The following CREBBP variants were observed in gnomAD, a reference collection of about 807,000 sequenced individuals.
The protein encoded by CREBBP is CREB-binding protein.
CREBBP carries 19 observed loss-of-function variants against 265.0 expected under a neutral mutation model. That is an observed-to-expected ratio of 0.07 (90% CI 0.05 to 0.11). CREBBP has a LOEUF of 0.11. Among genes scored for constraint, CREBBP ranks in the 10% least tolerant of loss-of-function variants. The pLI, the probability that CREBBP is intolerant of heterozygous loss-of-function variation, is 1.00. For missense variants in CREBBP, 2,525 were observed against 3,219.0 expected (o/e 0.78, Z 5.22); for synonymous variants, 1,457 against 1,223.7 (o/e 1.19, Z -3.98).
intron 1 of CREBBP, among the ~76,000 whole-genome samples, chr16:3,861,652 C>CAA (rs368654449): frequency 0.012 from 1,507 of 120,974 alleles, 20 homozygotes; most frequent in South Asian, 0.039. Context: ...CTCTCTATAC[C>CAA]AAAAAAAAAA....
At chr16:3,856,029 T>C (rs534095774) in intron 1 of CREBBP, among the ~76,000 whole-genome samples, 5 of 152,396 alleles carry the variant, frequency 3.3e-5, no homozygotes, top group Admixed American at 6.5e-5. Context: ...ATTGCATGCA[T>C]GTTACAAAAT....
At chr16:3,806,143 G>A (rs901583362) in intron 3 of CREBBP, among the ~76,000 whole-genome samples, 4 of 152,126 alleles carry the variant, frequency 2.6e-5, no homozygotes, top group African/African-American at 9.7e-5. Context: ...GGGCCCTGGA[G>A]GGCATCCTAG....
At chr16:3,760,437 C>T (rs1271899708) in intron 16 of CREBBP, among the ~76,000 whole-genome samples, 2 of 110,574 alleles carry the variant, frequency 1.8e-5, no homozygotes, top group Admixed American at 1.4e-4. Flanking sequence ...GAGTCTTGCT[C>T]TGTCACCCAG....
chr16:3,730,918 C>T (rs1310482198), intron 30 of CREBBP, among the ~76,000 whole-genome samples: 2 of 152,230 alleles, frequency 1.3e-5, no homozygotes, highest in African/African-American at 2.4e-5. Context: ...AGCCATTTAG[C>T]AAGACTAGAA....
At chr16:3,861,749 G>C (rs2141547248) in intron 1 of CREBBP, among the ~76,000 whole-genome samples, 1 of 146,620 alleles carries the variant, frequency 6.8e-6, no homozygotes, top group African/African-American at 2.5e-5. Flanking sequence ...GTTCCCAAAA[G>C]ACATCTAACT....
At chr16:3,849,483 G>GA (rs2054778120) in intron 2 of CREBBP, among the ~76,000 whole-genome samples, 4 of 122,326 alleles carry the variant, frequency 3.3e-5, no homozygotes, top group Non-Finnish European at 6.8e-5. Flanking sequence ...GTGTGTGTGT[G>GA]TGTGTGATGT....
intron 2 of CREBBP, among the ~76,000 whole-genome samples, chr16:3,849,230 T>TCCCC (rs61593279): frequency 6.6e-6 from 1 of 151,580 alleles, no homozygotes; most frequent in African/African-American, 2.4e-5. Flanking sequence ...TCTGTGCTCC[T>TCCCC]GTCAGTCCTG....
At chr16:3,735,531 T>C (rs1221702110) in intron 28 of CREBBP, among the ~76,000 whole-genome samples, 3 of 152,092 alleles carry the variant, frequency 2.0e-5, no homozygotes, top group Admixed American at 6.5e-5. Context: ...TTCCTGACCT[T>C]GTGATCCGCC....
intron 16 of CREBBP, 57 bp from the exon 17 acceptor site, chr16:3,759,029 C>T (rs564650586): frequency 9.8e-5 from 130 of 1,331,310 alleles, no homozygotes; most frequent in East Asian, 2.3e-4. Flanking sequence ...ATCCCTCCTA[C>T]CTCACATTTA....
intron 16 of CREBBP, among the ~76,000 whole-genome samples, chr16:3,762,278 G>C (rs1001757376): frequency 1.3e-5 from 2 of 151,700 alleles, no homozygotes; most frequent in African/African-American, 4.8e-5. Flanking sequence ...GACAGGGCCT[G>C]AAACAAGTGT....
At chr16:3,799,972 G>A (rs1047103359) in intron 3 of CREBBP, among the ~76,000 whole-genome samples, 7 of 152,046 alleles carry the variant, frequency 4.6e-5, no homozygotes, top group African/African-American at 9.7e-5. Context: ...AAAATCAGAC[G>A]AATCAGTAAG....
chr16:3,874,879 G>A (rs1031835238), intron 1 of CREBBP, among the ~76,000 whole-genome samples: 9 of 152,168 alleles, frequency 5.9e-5, no homozygotes, highest in African/African-American at 2.2e-4. Flanking sequence ...TCACTAATGG[G>A]ACCCCAAAAA....
intron 16 of CREBBP, among the ~76,000 whole-genome samples, chr16:3,762,300 A>T (rs1010394886): frequency 6.6e-6 from 1 of 151,422 alleles, no homozygotes; most frequent in Non-Finnish European, 1.5e-5. Context: ...ACTTTGGTTG[A>T]TCATTTATTC....
At chr16:3,751,914 G>A (rs2052483410) in intron 19 of CREBBP, 108 bp from the exon 20 acceptor site, 2 of 1,024,252 alleles carry the variant, frequency 2.0e-6, no homozygotes, top group African/African-American at 3.2e-5. Context: ...GACGAAGGGG[G>A]GGCGTTGTTG....
chr16:3,786,849 G>A (rs1283910820), intron 5 of CREBBP, among the ~76,000 whole-genome samples: 1 of 152,088 alleles, frequency 6.6e-6, no homozygotes, highest in Non-Finnish European at 1.5e-5. Flanking sequence ...AGGGTGGGGA[G>A]ATCACCTGAG....
chr16:3,768,899 A>C (rs1328386180), intron 15 of CREBBP, among the ~76,000 whole-genome samples: 1 of 152,222 alleles, frequency 6.6e-6, no homozygotes, highest in African/African-American at 2.4e-5. Context: ...AAATGAATGG[A>C]GAACATAAAA....
chr16:3,811,624 T>C (rs2053939753), intron 2 of CREBBP, among the ~76,000 whole-genome samples: 1 of 152,134 alleles, frequency 6.6e-6, no homozygotes, highest in Non-Finnish European at 1.5e-5. Context: ...CCTGAGTAGC[T>C]GGTACTACAG....
intron 2 of CREBBP, among the ~76,000 whole-genome samples, chr16:3,834,703 T>C (rs1262051301): frequency 1.3e-5 from 2 of 152,148 alleles, no homozygotes; most frequent in African/African-American, 4.8e-5. Context: ...AATATAGGTT[T>C]ATTGATTGTG....
chr16:3,799,795 A>G (rs1161165520), intron 3 of CREBBP, among the ~76,000 whole-genome samples: 1 of 152,258 alleles, frequency 6.6e-6, no homozygotes, highest in Non-Finnish European at 1.5e-5. Context: ...GGGCCAGCCA[A>G]GCCCTGTCTG....
Sources: gnomAD v4.1 joint callset for allele counts (sites outside exome capture counted in the v4.1 genomes callset) on GRCh38, gnomAD v4.1.1 for gene constraint, MANE v1.5 for transcripts, NCBI Gene and HGNC (gene_info 2026-07-23, HGNC 2026-07-21) for gene names.